Variants in CCDC171 observed in about 807,000 individuals in gnomAD.
CCDC171 encodes coiled-coil domain containing 171.
Under a neutral mutation model 168.2 loss-of-function variants are expected in CCDC171, and 177 were observed. The observed-to-expected ratio is 1.05, with a 90% CI of 0.93 to 1.19. The LOEUF (loss-of-function observed/expected upper bound fraction) is 1.19, where lower values mean the gene tolerates loss of function less well. CCDC171 is among the 50% of genes most tolerant of loss of function. The probability of loss-of-function intolerance (pLI) is 0.00; values close to 1 mark genes in which losing one functional copy is unlikely to be tolerated. For synonymous variants in CCDC171, 687 were observed against 540.8 expected (o/e 1.27, Z -3.75); for missense variants, 1,991 against 1,539.0 (o/e 1.29, Z -4.91).
chr9:15,664,007 C>T (rs1252349525), intron 8 of CCDC171, among the ~76,000 whole-genome samples: 5 of 152,238 alleles, frequency 3.3e-5, no homozygotes, highest in South Asian at 2.1e-4. Flanking sequence ...CGAAACAACT[C>T]AGAAACAGTC....
In CCDC171 at chr9:15,581,310, G is replaced by A. The variant is rs370686291; in HGVS notation, c.352+2287G>A. ...ACAAACAAATGGAAAAATACTTCAC[G>A]CTCATGGATAGGAAGAATCAATATT... is the stretch of plus-strand genomic sequence containing the variant. On this transcript the variant is annotated intron_variant, in intron 4 of 25. Coordinates refer to ENST00000380701, the MANE Select transcript of CCDC171 (RefSeq NM_173550.4). Among the ~76,000 whole-genome samples, 191 of 152,240 alleles carry A rather than the reference G, an allele frequency of 1.3e-3. No individual in the cohort carries two copies. The Middle Eastern group carries it at 0.024, about 19-fold the overall frequency.
chr9:15,925,024 G>A (rs1053315496), intron 25 of CCDC171, among the ~76,000 whole-genome samples: 15 of 151,470 alleles, frequency 9.9e-5, no homozygotes, highest in African/African-American at 3.6e-4. Flanking sequence ...AATTTATTAA[G>A]CATCTGCTTT....
intron 8 of CCDC171, among the ~76,000 whole-genome samples, chr9:15,660,294 C>G (rs560270367): frequency 6.6e-6 from 1 of 151,980 alleles, no homozygotes. Context: ...TTTTCTTTTT[C>G]TTTTCTTTTC....
At chr9:15,741,278 C>T (rs1449068350) in intron 16 of CCDC171, among the ~76,000 whole-genome samples, 1 of 152,200 alleles carries the variant, frequency 6.6e-6, no homozygotes, top group Non-Finnish European at 1.5e-5. Flanking sequence ...ACTCGTTAAG[C>T]AGTCACTCCT....
intron 18 of CCDC171, among the ~76,000 whole-genome samples, chr9:15,769,142 AT>A (rs1360023179): frequency 6.6e-6 from 1 of 152,238 alleles, no homozygotes; most frequent in Non-Finnish European, 1.5e-5. Flanking sequence ...TATTAGAAAT[AT>A]TGAATAACAT....
chr9:15,966,949 ATG>A (rs1195521217), intron 25 of CCDC171, among the ~76,000 whole-genome samples: 8 of 152,090 alleles, frequency 5.3e-5, no homozygotes, highest in South Asian at 4.2e-4. Context: ...TATCAAGTAT[ATG>A]TGTGTGTGTA....
At chr9:15,911,847 C>G (rs1301499412) in intron 24 of CCDC171, among the ~76,000 whole-genome samples, 1 of 152,146 alleles carries the variant, frequency 6.6e-6, no homozygotes, top group African/African-American at 2.4e-5. Flanking sequence ...TGTCAAAGAT[C>G]AGATGGTTGT....
At chr9:15,757,684 G>T (rs1445994097) in intron 18 of CCDC171, among the ~76,000 whole-genome samples, 1 of 152,152 alleles carries the variant, frequency 6.6e-6, no homozygotes. Flanking sequence ...CCCATCACAG[G>T]CCCAGAGTCT....
At chr9:15,956,178 A>G (rs925631681) in intron 25 of CCDC171, among the ~76,000 whole-genome samples, 3 of 152,164 alleles carry the variant, frequency 2.0e-5, no homozygotes, top group African/African-American at 4.8e-5. Flanking sequence ...AAGCACTGCT[A>G]CTTGGAGACC....
At chr9:15,781,880 A>G (rs1249615633) in intron 20 of CCDC171, among the ~76,000 whole-genome samples, 3 of 152,064 alleles carry the variant, frequency 2.0e-5, no homozygotes, top group Non-Finnish European at 4.4e-5. Flanking sequence ...TATTATTTCT[A>G]ATTTACAGAT....
the CCDC171 span, among the ~76,000 whole-genome samples, chr9:16,095,899 T>TATATATATATATATATATATATATACAC: frequency 3.6e-5 from 5 of 140,222 alleles, no homozygotes; most frequent in African/African-American, 1.4e-4. Flanking sequence ...TATATATATA[T>TATATATATATATATATATATATATACAC]ACTGCCTCCA....
chr9:16,039,096 A>T (rs370223093), upstream of CCDC171, among the ~76,000 whole-genome samples: 31 of 152,338 alleles, frequency 2.0e-4, no homozygotes, highest in East Asian at 4.0e-3. Flanking sequence ...ATTAGTGAGG[A>T]AGACTTTTCA....
intron 24 of CCDC171, among the ~76,000 whole-genome samples, chr9:15,917,291 G>T (rs2026659): frequency 0.39 from 58,634 of 151,618 alleles, 11,567 homozygotes; most frequent in Non-Finnish European, 0.42. Flanking sequence ...GTTTAGAAGA[G>T]CATAGTATAT....
intron 11 of CCDC171, among the ~76,000 whole-genome samples, chr9:15,717,802 G>C (rs548080014): frequency 1.8e-4 from 28 of 152,260 alleles, no homozygotes; most frequent in Middle Eastern, 6.8e-3. Context: ...ACTGACTAAA[G>C]AGCCCCTGGG....
At chr9:15,928,853 A>T (rs1199222464) in intron 25 of CCDC171, among the ~76,000 whole-genome samples, 1 of 151,604 alleles carries the variant, frequency 6.6e-6, no homozygotes, top group Admixed American at 6.6e-5. Flanking sequence ...GAAACTCAAG[A>T]GTTGTTTGTA....
intron 24 of CCDC171, among the ~76,000 whole-genome samples, chr9:15,891,383 C>G (rs1025995851): frequency 5.3e-5 from 8 of 152,130 alleles, no homozygotes; most frequent in Admixed American, 3.9e-4. Flanking sequence ...TGCACTAACA[C>G]TACTCTTTAA....
At chr9:16,010,799 G>C (rs948264018) in intron 3 of CCDC171, among the ~76,000 whole-genome samples, 1 of 151,288 alleles carries the variant, frequency 6.6e-6, no homozygotes, top group African/African-American at 2.4e-5. Flanking sequence ...AAAAAGACCA[G>C]TTTATAACCA....
chr9:16,009,978 G>A (rs3008722), intron 3 of CCDC171, among the ~76,000 whole-genome samples: 135,987 of 152,196 alleles, frequency 0.89, 60,932 homozygotes, highest in Admixed American at 0.92. Context: ...ACAAGAATTG[G>A]TCCTTCTCAA....
chr9:16,050,544 G>C (rs1833734546), intron 1 of CCDC171, among the ~76,000 whole-genome samples: 1 of 152,134 alleles, frequency 6.6e-6, no homozygotes, highest in Admixed American at 6.5e-5. Flanking sequence ...TTGCCATACT[G>C]TTTTTCACCT....
Sources: allele counts gnomAD v4.1 joint callset (sites outside exome capture counted in the v4.1 genomes callset), GRCh38; gene constraint gnomAD v4.1.1; transcripts MANE v1.5; gene names NCBI Gene and HGNC (gene_info 2026-07-23, HGNC 2026-07-21).